The following CELSR2 variants were observed in gnomAD, a reference collection of about 807,000 sequenced individuals.
The protein encoded by CELSR2 is EGF-like protein 2.
In CELSR2, 81 loss-of-function variants were observed where a neutral mutation model predicts 251.6. The ratio of observed to expected loss-of-function variants is 0.32; its 90% confidence interval spans 0.27 to 0.39. The LOEUF (loss-of-function observed/expected upper bound fraction) is 0.39, where lower values mean the gene tolerates loss of function less well. Ranked by LOEUF, CELSR2 falls within the 10% of genes least tolerant of loss-of-function variation. CELSR2 has a pLI of 1.00. For synonymous variants in CELSR2, 1,721 were observed against 1,670.5 expected (o/e 1.03, Z -0.74); for missense variants, 3,365 against 3,947.7 (o/e 0.85, Z 3.96).
In CELSR2 at chr1:109,264,078, C is replaced by T; in HGVS notation, c.5002C>T (p.Leu1668=). The change falls in exon 10 of 34, where the codon CTA becomes TTA. Residue 1668 remains leucine (L), a splice_region_variant and synonymous_variant. Coordinates refer to ENST00000271332, the MANE Select transcript of CELSR2 (RefSeq NM_001408.3). The part of the protein sequence containing the change: ...TRGRSTITLQ[L]REGHVMLSVE... Reference sequence around the variant, plus strand: ...CTGTTTTCTTTCCTCCTGGTGTCAGCTACGAGAGGGCCACGTGATGCTGAG... The same window carrying T: ...CTGTTTTCTTTCCTCCTGGTGTCAGTTACGAGAGGGCCACGTGATGCTGAG... 1 of 1,570,960 alleles carries T rather than the reference C, an allele frequency of 6.4e-7. No homozygotes were observed. Among genetic ancestry groups the T allele is most frequent in the Non-Finnish European group, 8.7e-7 (1 of 1,152,930 alleles).
Position 109,268,065 on chromosome 1 carries a change from G to A in CELSR2, c.6318+5G>A, listed in dbSNP as rs748278933. On this transcript the variant is annotated splice_donor_5th_base_variant and intron_variant, in intron 17 of 33. Transcript: ENST00000271332. ...CAGGACGTGCACTTCACTGAGGTGG[G>A]GCTTGGAGGATGCAGGGCTGGCTGG... 1 of 1,586,726 alleles carries A rather than the reference G, an allele frequency of 6.3e-7. No homozygotes were observed. The highest frequency in any genetic ancestry group is 8.6e-7 in the Non-Finnish European group (1 of 1,165,966).
chr1:109,253,210 G>C lies in CELSR2; in HGVS notation c.3131G>C (p.Gly1044Ala). 6.2e-7 allele frequency: 1 copy of C among 1,613,558 alleles called. No homozygotes were observed. The highest frequency in any genetic ancestry group is 8.5e-7 in the Non-Finnish European group (1 of 1,180,044). The change falls in exon 1 of 34, where the codon GGT becomes GCT. Residue 1044 changes from glycine to alanine, a missense_variant. Transcript: ENST00000271332. ...VTNRSSSFPG[G>A]AIGRVPAHDP... is the part of the protein sequence containing the mutation. ...AATCGCTCAAGCAGCTTCCCTGGGG[G>C]TGCCATTGGCCGAGTACCTGCCCAT...
At chr1:109,268,306 G>A (rs1656262624) in intron 17 of CELSR2, among the ~76,000 whole-genome samples, 1 of 152,244 alleles carries the variant, frequency 6.6e-6, no homozygotes, top group East Asian at 1.9e-4. Flanking sequence ...GGTACCATGG[G>A]CTGGGAGGAA....
Position 109,264,215 on chromosome 1 carries a change from C to T in CELSR2, c.5139C>T (p.Gly1713=). Residue 1713 remains glycine (G), a synonymous_variant, in exon 10 of 34, where the codon GGC becomes GGT. Coordinates refer to ENST00000271332, the MANE Select transcript of CELSR2 (RefSeq NM_001408.3). ...QLALGASGGP[G]HAILSFDYGQ... is the part of the protein sequence containing the mutation. The stretch of plus-strand genomic sequence containing the variant: ...CACTGGGAGCCAGCGGGGGGCCCGG[C>T]CATGCCATTCTGTCCTTCGATTATG... 3 of 1,613,618 alleles carry T rather than the reference C, an allele frequency of 1.9e-6. No individual in the cohort carries two copies. The highest frequency in any genetic ancestry group is 1.7e-6 in the Non-Finnish European group (2 of 1,179,932).
At position 109,270,461 on chromosome 1, in the gene CELSR2, C is replaced by G. The variant is rs980198743; in HGVS notation, c.7344C>G (p.Phe2448Leu). The change falls in exon 24 of 34, where the codon TTC (phenylalanine) becomes TTG (leucine). Residue 2448 changes from phenylalanine (F) to leucine (L), a missense_variant. By Grantham distance (22) the Phe-to-Leu change is conservative (BLOSUM62 0). Around this residue, in one of 5 missense-constraint regions of CELSR2, gnomAD observed 2,093 missense variants for 2,382.8 expected, o/e 0.88. Coordinates refer to ENST00000271332, the MANE Select transcript of CELSR2 (RefSeq NM_001408.3). ...ACTVIAILLH[F>L]LYLCTFSWAL... is the part of the protein sequence containing the mutation. ...CAGTCATTGCCATCCTGCTGCACTT[C>G]CTGTACCTCTGCACCTTTTCCTGGG... The G allele has an allele frequency of 1.9e-6, 3 of 1,614,126 alleles. No homozygotes were observed. The African/African-American group carries it at 4.0e-5, about 22-fold the overall frequency.
At position 109,258,736 on chromosome 1, in the gene CELSR2, G is replaced by C; in HGVS notation, c.3615G>C (p.Leu1205=). The stretch of plus-strand genomic sequence containing the variant: ...CGCCCTTCCTGCCCTCTGAGGACCT[G>C]CAGGAGCGCCTATACCTCAACCGCA... ...GGPPFLPSED[L]QERLYLNRSL... is the part of the protein sequence containing the mutation. Residue 1205 remains leucine (L), a synonymous_variant, in exon 2 of 34, where the codon CTG becomes CTC. Transcript: ENST00000271332. 6.4e-7 allele frequency: 1 copy of C among 1,564,524 alleles called. No individual in the cohort carries two copies. The highest frequency in any genetic ancestry group is 1.4e-5 in the African/African-American group (1 of 73,902).
chr1:109,252,770 G>T lies in CELSR2; in HGVS notation c.2691G>T (p.Gly897=). 2 of 1,614,024 alleles carry T rather than the reference G, an allele frequency of 1.2e-6. No individual in the cohort carries two copies. Among genetic ancestry groups the T allele is most frequent in the South Asian group, 2.2e-5 (2 of 91,090 alleles). ...YVLRAYAVDK[G]MPPARTPMEV... ...TGCGGGCATATGCAGTGGACAAGGG[G>T]ATGCCCCCAGCCCGCACACCTATGG... Residue 897 remains glycine, a synonymous_variant, in exon 1 of 34, where the codon GGG becomes GGT. Coordinates refer to ENST00000271332, the MANE Select transcript of CELSR2 (RefSeq NM_001408.3). This position sits in a 1 kb window ranked among gnomAD's most constrained non-coding sequence, Gnocchi z 4.8.
intron 16 of CELSR2, 87 bp from the exon 17 acceptor site, chr1:109,267,764 G>C: frequency 6.4e-7 from 1 of 1,562,372 alleles, no homozygotes; most frequent in Non-Finnish European, 8.7e-7. Flanking sequence ...TGGGCTCCCA[G>C]CTGGAGAGGC....
rs1375826387 is a variant in CELSR2, at chr1:109,267,832, T to C, written c.6109-19T>C. On this transcript the variant is annotated intron_variant, in intron 16 of 33. Transcript: ENST00000271332. ...GAGTTCCTGCCCTCACTCCTGCTCC[T>C]CCGCTCCGTCCTGTCTAGGCTGAGC... is the stretch of plus-strand genomic sequence containing the variant. 1.9e-6 allele frequency: 3 copies of C among 1,591,778 alleles called. No homozygotes were observed. The highest frequency in any genetic ancestry group is 2.6e-6 in the Non-Finnish European group (3 of 1,168,208).
At position 109,252,819 on chromosome 1, in the gene CELSR2, G is replaced by A. The variant is rs1358780658; in HGVS notation, c.2740G>A (p.Val914Met). 6.2e-7 allele frequency: 1 copy of A among 1,614,042 alleles called. No homozygotes were observed. Among genetic ancestry groups the A allele is most frequent in the Non-Finnish European group, 8.5e-7 (1 of 1,180,020 alleles). ...PMEVTVTVLD[V>M]NDNPPVFEQD... ...GGAAGTGACAGTCACTGTGTTGGAT[G>A]TGAATGACAATCCCCCTGTCTTTGA... The change falls in exon 1 of 34, where the codon GTG (valine) becomes ATG (methionine). Residue 914 changes from valine (V) to methionine (M), a missense_variant. Around this residue, in one of 5 missense-constraint regions of CELSR2, gnomAD observed 505 missense variants for 660.0 expected, o/e 0.77. Coordinates refer to ENST00000271332, the MANE Select transcript of CELSR2 (RefSeq NM_001408.3). The surrounding 1 kb of genome is among the most constrained non-coding windows in gnomAD (Gnocchi z 4.8).
In CELSR2 at chr1:109,249,753, CCGGGGCCCGGCAAGGCCAGGGGCGCCG is replaced by C. The variant is rs1383930757; in HGVS notation, c.-318_-292del. On this transcript the variant is annotated 5_prime_UTR_variant, in exon 1 of 34. Transcript: ENST00000271332. ...GGAGGGGGCACCCCGGCTCCGGAAC[CCGGGGCCCGGCAAGGCCAGGGGCGCCG>C]CGGGGCCCCCGGGCGCAGGTGGTGA... 1.3e-5 allele frequency among the ~76,000 whole-genome samples: 2 copies of C among 149,490 alleles called. No homozygotes were observed. Among genetic ancestry groups the C allele is most frequent in the Non-Finnish European group, 3.0e-5 (2 of 67,050 alleles).
In CELSR2 at chr1:109,266,156, G is replaced by A. The variant is rs756383444; in HGVS notation, c.5963G>A (p.Arg1988His). ...RAIEAGIWWPRTRFGLPAAAP... is the reference protein window; with the variant it reads ...RAIEAGIWWPHTRFGLPAAAP... Reference sequence around the variant, plus strand: ...ATTGAGGCTGGGATCTGGTGGCCCCGTACCCGCTTCGGGCTGCCTGCTGCT... The same window carrying A: ...ATTGAGGCTGGGATCTGGTGGCCCCATACCCGCTTCGGGCTGCCTGCTGCT... The change falls in exon 15 of 34, where the codon CGT becomes CAT. Residue 1988 changes from arginine to histidine, a missense_variant. Arg to His is a conservative substitution (Grantham distance 29). Around this residue, in one of 5 missense-constraint regions of CELSR2, gnomAD observed 2,093 missense variants for 2,382.8 expected, o/e 0.88. Transcript: ENST00000271332. 22 of 1,614,096 alleles carry A rather than the reference G, an allele frequency of 1.4e-5. No homozygotes were observed. Among genetic ancestry groups the A allele is most frequent in the South Asian group, 3.3e-5 (3 of 91,084 alleles).
Position 109,268,868 on chromosome 1 carries a change from C to T in CELSR2, c.6503-12C>T. ...CCTCACAGGTCCGATCTGTGACCAT[C>T]CCCTTCCTTAGTCATCTCCGTAGTG... On this transcript the variant is annotated splice_polypyrimidine_tract_variant and intron_variant, in intron 18 of 33. Coordinates refer to ENST00000271332, the MANE Select transcript of CELSR2 (RefSeq NM_001408.3). 2 of 1,597,628 alleles carry T rather than the reference C, an allele frequency of 1.3e-6. No homozygotes were observed. The highest frequency in any genetic ancestry group is 1.7e-4 in the Middle Eastern group (1 of 6,002).
In CELSR2 at chr1:109,261,839, G is replaced by A. The variant is rs144375666; in HGVS notation, c.4329G>A (p.Val1443=). The change falls in exon 5 of 34, where the codon GTG becomes GTA. Residue 1443 remains valine, a synonymous_variant. Transcript: ENST00000271332. This position sits in a 1 kb window ranked among gnomAD's most constrained non-coding sequence, Gnocchi z 4.8. ...GESTTTVSPF[V]PGGVSDGQWH... is the part of the protein sequence containing the mutation. ...CAACCACCACGGTGTCCCCATTCGTGCCCGGAGGAGTCAGTGATGGCCAGT... is the reference window on the plus strand; with the variant it reads ...CAACCACCACGGTGTCCCCATTCGTACCCGGAGGAGTCAGTGATGGCCAGT... The A allele has an allele frequency of 6.3e-7, 1 of 1,595,040 alleles. No individual in the cohort carries two copies. The highest frequency in any genetic ancestry group is 1.7e-5 in the Admixed American group (1 of 58,054).
At chr1:109,263,932 G>T in intron 9 of CELSR2, 146 bp from the exon 10 acceptor site, 2 of 1,384,914 alleles carry the variant, frequency 1.4e-6, no homozygotes, top group South Asian at 1.4e-5. Context: ...CCACCTGTTG[G>T]GCCTGAGGGA....
chr1:109,258,724 C>G lies in CELSR2; in HGVS notation c.3603C>G (p.Pro1201=). 1 of 1,559,068 alleles carries G rather than the reference C, an allele frequency of 6.4e-7. No homozygotes were observed. Among genetic ancestry groups the G allele is most frequent in the Non-Finnish European group, 8.7e-7 (1 of 1,151,568 alleles). ...CCGGGGGCGGGCCGCCCTTCCTGCC[C>G]TCTGAGGACCTGCAGGAGCGCCTAT... is the stretch of plus-strand genomic sequence containing the variant. ...PGPGGGPPFL[P]SEDLQERLYL... Residue 1201 remains proline, a synonymous_variant, in exon 2 of 34, where the codon CCC becomes CCG. Transcript: ENST00000271332.
At chr1:109,260,459 T>C (rs1655986707) in intron 2 of CELSR2, among the ~76,000 whole-genome samples, 1 of 152,068 alleles carries the variant, frequency 6.6e-6, no homozygotes, top group Admixed American at 6.5e-5. Context: ...TCCTGGGGGC[T>C]CCCCAGCTTC....
Position 109,268,924 on chromosome 1 carries a change from A to C in CELSR2, c.6547A>C (p.Lys2183Gln). The C allele has an allele frequency of 6.2e-7, 1 of 1,613,264 alleles. No homozygotes were observed. Among genetic ancestry groups the C allele is most frequent in the Non-Finnish European group, 8.5e-7 (1 of 1,179,398 alleles). Reference protein sequence around the residue: ...RLDKGNFAGAKLPRYEALRGE... With the variant: ...RLDKGNFAGAQLPRYEALRGE... Reference sequence around the variant, plus strand: ...GGACAAAGGGAACTTTGCTGGGGCCAAGCTGCCCCGCTACGAGGCCCTGCG... The same window carrying C: ...GGACAAAGGGAACTTTGCTGGGGCCCAGCTGCCCCGCTACGAGGCCCTGCG... Residue 2183 changes from lysine to glutamine, a missense_variant, in exon 19 of 34, where the codon AAG becomes CAG. Lys to Gln is a moderately conservative substitution (Grantham distance 53). Transcript: ENST00000271332.
chr1:109,272,606 G>C, intron 29 of CELSR2, 34 bp from the exon 30 acceptor site: 1 of 1,595,506 alleles, frequency 6.3e-7, no homozygotes, highest in Non-Finnish European at 8.6e-7. Flanking sequence ...CAAGGGGCCA[G>C]GCTGACCCCT....
Sources: allele counts gnomAD v4.1 joint callset (sites outside exome capture counted in the v4.1 genomes callset), GRCh38; gene constraint gnomAD v4.1.1; regional missense constraint gnomAD v4.1.1; non-coding constraint Gnocchi (gnomAD v3.1); transcripts MANE v1.5; gene names NCBI Gene and HGNC (gene_info 2026-07-23, HGNC 2026-07-21).